UNC45B: variants seen among roughly 807,000 people sequenced by gnomAD.
UNC45B encodes protein unc-45 homolog B.
UNC45B carries 78 observed loss-of-function variants against 98.7 expected under a neutral mutation model. That is an observed-to-expected ratio of 0.79 (90% CI 0.66 to 0.95). The LOEUF is 0.95. UNC45B is among the 40% of genes least tolerant of loss of function. UNC45B has a pLI of 0.00. For missense variants in UNC45B, 1,225 were observed against 1,184.9 expected, an observed-to-expected ratio of 1.03 and a Z score of -0.50; for synonymous variants, 462 against 480.4, an observed-to-expected ratio of 0.96 and a Z score of 0.50.
intron 10 of UNC45B, among the ~76,000 whole-genome samples, chr17:35,169,259 C>G (rs1024613092): frequency 2.0e-5 from 3 of 152,052 alleles, no homozygotes; most frequent in Non-Finnish European, 4.4e-5. Context: ...AGGCTGGTCT[C>G]AAACTCCTGG....
intron 17 of UNC45B, among the ~76,000 whole-genome samples, chr17:35,178,864 T>C (rs1309729575): frequency 1.3e-5 from 2 of 152,228 alleles, no homozygotes; most frequent in Non-Finnish European, 2.9e-5. Context: ...TGTGGTGTTA[T>C]TTCTGAGGCC....
intron 18 of UNC45B, 84 bp from the exon 19 acceptor site, chr17:35,183,343 A>G (rs2092284641): frequency 5.1e-6 from 7 of 1,383,506 alleles, no homozygotes; most frequent in Non-Finnish European, 6.6e-6. Context: ...ATCTTGGGTC[A>G]GAGAACTTCA....
intron 18 of UNC45B, among the ~76,000 whole-genome samples, chr17:35,181,155 T>C (rs993449174): frequency 3.3e-5 from 5 of 152,210 alleles, no homozygotes; most frequent in African/African-American, 1.2e-4. Context: ...GAAATTGCAA[T>C]GCAATATAAC....
chr17:35,186,423 T>C lies in UNC45B; in HGVS notation c.2654T>C (p.Val885Ala). 6.2e-7 allele frequency: 1 copy of C among 1,614,080 alleles called. No individual in the cohort carries two copies. Among genetic ancestry groups the C allele is most frequent in the Non-Finnish European group, 8.5e-7 (1 of 1,180,020 alleles). Residue 885 changes from valine (V) to alanine (A), a missense_variant, in exon 20 of 20, where the codon GTG (valine) becomes GCG (alanine). Val to Ala is a moderately conservative substitution (Grantham distance 64). Transcript: ENST00000394570. ...AADAELAKKL[V>A]ESELLEILTV... Reference sequence around the variant, plus strand: ...GATGCTGAGCTGGCCAAGAAGCTGGTGGAGAGTGAGCTGCTGGAGATCCTG... The same window carrying C: ...GATGCTGAGCTGGCCAAGAAGCTGGCGGAGAGTGAGCTGCTGGAGATCCTG...
Position 35,177,610 on chromosome 17 carries a change from G to T in UNC45B, c.2255G>T (p.Arg752Leu). ...TNLSGRSDKL[R>L]QKIFKERALP... ...CTGTCTGGGCGGAGTGACAAACTCCGGTGAGTGTGGTGAGTGTGGCAGGGG... is the reference window on the plus strand; with the variant it reads ...CTGTCTGGGCGGAGTGACAAACTCCTGTGAGTGTGGTGAGTGTGGCAGGGG... Residue 752 changes from arginine (R) to leucine (L), a missense_variant and splice_region_variant, in exon 17 of 20, where the codon CGG becomes CTG. Coordinates refer to ENST00000394570, the MANE Select transcript of UNC45B (RefSeq NM_001267052.2). 1.9e-6 allele frequency: 3 copies of T among 1,543,968 alleles called. No homozygotes were observed. The highest frequency in any genetic ancestry group is 2.6e-6 in the Non-Finnish European group (3 of 1,139,966).
rs778359202 is a variant in UNC45B at position 35,174,259 on chromosome 17, A to G, written c.1848A>G (p.Ile616Met). Residue 616 changes from isoleucine (I) to methionine (M), a missense_variant, in exon 14 of 20, where the codon ATA becomes ATG. Coordinates refer to ENST00000394570, the MANE Select transcript of UNC45B (RefSeq NM_001267052.2). ...CTCCTCAGGACAAGAAGGACTTTAT[A>G]GACATGCGGGTGAAGCGGCTTCTGA... ...EEHPKDKKDF[I>M]DMRVKRLLKA... 6.2e-7 allele frequency: 1 copy of G among 1,614,056 alleles called. No homozygotes were observed. Among genetic ancestry groups the G allele is most frequent in the South Asian group, 1.1e-5 (1 of 91,088 alleles).
At chr17:35,174,454 A>G (rs2092212642) in intron 14 of UNC45B, 85 bp downstream of exon 14, 2 of 1,562,082 alleles carry the variant, frequency 1.3e-6, no homozygotes, top group Non-Finnish European at 1.7e-6. Flanking sequence ...GGAGATAGAA[A>G]TGGTGGGGGC....
At chr17:35,150,280 G>C in intron 4 of UNC45B, 57 bp downstream of exon 4, 1 of 1,546,786 alleles carries the variant, frequency 6.5e-7, no homozygotes, top group Admixed American at 1.8e-5. Context: ...TTCATTCCTA[G>C]TAGGAATGGG....
rs2092319770 is a variant in UNC45B, at chr17:35,189,255, A to G, written c.*2696A>G. 6.6e-6 allele frequency: 1 copy of G among 152,198 alleles called. No individual in the cohort carries two copies. The allele number at this position is 152,198 out of a possible 1,614,324, so 9.4% of individuals were successfully genotyped here. A position where few individuals can be genotyped will look rare whatever the true frequency, so the allele number is the denominator to read the frequency against. On this transcript the variant is annotated 3_prime_UTR_variant, in exon 20 of 20. Coordinates refer to ENST00000394570, the MANE Select transcript of UNC45B (RefSeq NM_001267052.2). Reference sequence around the variant, plus strand: ...TACAGTTTTAAAGTTTATATCTCCAAAAGGATATTTTGTAAAAATTTAACC... The same window carrying G: ...TACAGTTTTAAAGTTTATATCTCCAGAAGGATATTTTGTAAAAATTTAACC...
chr17:35,150,729 C>T (rs761562766), intron 4 of UNC45B, among the ~76,000 whole-genome samples: 3 of 151,780 alleles, frequency 2.0e-5, no homozygotes, highest in East Asian at 1.9e-4. Flanking sequence ...TCAGCCTGGG[C>T]GACAGAGCAA....
chr17:35,158,019 G>C (rs985469476), intron 7 of UNC45B, among the ~76,000 whole-genome samples: 2 of 152,134 alleles, frequency 1.3e-5, no homozygotes, highest in Non-Finnish European at 2.9e-5. Flanking sequence ...AGGACTACAG[G>C]CTCGTGCCAC....
At position 35,150,090 on chromosome 17, in the gene UNC45B, G is replaced by A. The variant is rs749498469; in HGVS notation, c.248G>A (p.Arg83Gln). 28 of 1,612,766 alleles carry A rather than the reference G, an allele frequency of 1.7e-5. No homozygotes were observed. Among genetic ancestry groups the A allele is most frequent in the Middle Eastern group, 1.6e-4 (1 of 6,074 alleles). Reference protein sequence around the residue: ...NSSDIKALYRRCQALEHLGKL... With the variant: ...NSSDIKALYRQCQALEHLGKL... ...TCGGACATCAAGGCTCTGTATCGGC[G>A]ATGCCAGGCACTGGAGCACCTGGGG... The change falls in exon 4 of 20, where the codon CGA becomes CAA. Residue 83 changes from arginine (R) to glutamine (Q), a missense_variant. Transcript: ENST00000394570.
chr17:35,174,959 AAG>A (rs200275497), intron 14 of UNC45B, among the ~76,000 whole-genome samples: 1 of 58,432 alleles, frequency 1.7e-5, no homozygotes, highest in Non-Finnish European at 3.7e-5. Flanking sequence ...AAGAAAAAGA[AAG>A]AGAAAGAAAG....
chr17:35,151,194 C>A, intron 4 of UNC45B: 1 of 304,388 alleles, frequency 3.3e-6, no homozygotes, highest in South Asian at 2.7e-5. Flanking sequence ...TGGTTAGTTT[C>A]TTTTCCTCCG....
rs2142563144 is a variant in UNC45B, at chr17:35,168,172, T to A, written c.1263T>A (p.Gly421=). 1.2e-6 allele frequency: 2 copies of A among 1,607,524 alleles called. No homozygotes were observed. Among genetic ancestry groups the A allele is most frequent in the East Asian group, 2.3e-5 (1 of 44,158 alleles). The change falls in exon 10 of 20, where the codon GGT becomes GGA. Residue 421 remains glycine, a synonymous_variant. Coordinates refer to ENST00000394570, the MANE Select transcript of UNC45B (RefSeq NM_001267052.2). The part of the protein sequence containing the change: ...DLGNQLLGLK[G]VMEMMVALCG... ...GCAACCAGCTGCTGGGACTGAAAGG[T>A]GTGATGGAGATGATGGTGGCACTAT...
At chr17:35,172,742 C>T (rs1436694662) in intron 13 of UNC45B, among the ~76,000 whole-genome samples, 1 of 152,174 alleles carries the variant, frequency 6.6e-6, no homozygotes, top group Non-Finnish European at 1.5e-5. Context: ...CCAGCAAACC[C>T]AATCCATTGT....
chr17:35,177,132 T>C lies in UNC45B; in HGVS notation c.2139+2T>C. The C allele has an allele frequency of 6.2e-7, 1 of 1,613,738 alleles. No individual in the cohort carries two copies. Among genetic ancestry groups the C allele is most frequent in the Non-Finnish European group, 8.5e-7 (1 of 1,179,796 alleles). On this transcript the variant is annotated splice_donor_variant, in intron 16 of 19. Coordinates refer to ENST00000394570, the MANE Select transcript of UNC45B (RefSeq NM_001267052.2). LOFTEE classifies it high-confidence loss of function. Reference sequence around the variant, plus strand: ...GACATTGCTTTTCCTGGGGAGCGGGTAGGTGCTTGGGTAGATGGGATAGGG... The same window carrying C: ...GACATTGCTTTTCCTGGGGAGCGGGCAGGTGCTTGGGTAGATGGGATAGGG...
Position 35,186,393 on chromosome 17 carries a change from C to G in UNC45B, c.2624C>G (p.Ala875Gly), listed in dbSNP as rs374818111. Residue 875 changes from alanine (A) to glycine (G), a missense_variant, in exon 20 of 20, where the codon GCA becomes GGA. Ala to Gly is a moderately conservative substitution (Grantham distance 60). Coordinates refer to ENST00000394570, the MANE Select transcript of UNC45B (RefSeq NM_001267052.2). ...RGLVIAYNLL[A>G]ADAELAKKLV... ...CTGGTCATTGCCTACAACCTACTGGCAGCCGATGCTGAGCTGGCCAAGAAG... is the reference window on the plus strand; with the variant it reads ...CTGGTCATTGCCTACAACCTACTGGGAGCCGATGCTGAGCTGGCCAAGAAG... 1.3e-5 allele frequency: 21 copies of G among 1,614,098 alleles called. No homozygotes were observed. The highest frequency in any genetic ancestry group is 1.7e-5 in the Non-Finnish European group (20 of 1,180,052).
Position 35,186,593 on chromosome 17 carries a change from G to A in UNC45B, c.*34G>A, listed in dbSNP as rs762943641. ...CCTCAGGGATGCTGGGAGTGGTCCT[G>A]TACTGTGCAGAGTCCTGGGTTGGTT... is the stretch of plus-strand genomic sequence containing the variant. On this transcript the variant is annotated 3_prime_UTR_variant, in exon 20 of 20. Transcript: ENST00000394570. 1 of 1,609,428 alleles carries A rather than the reference G, an allele frequency of 6.2e-7. No homozygotes were observed. Among genetic ancestry groups the A allele is most frequent in the South Asian group, 1.1e-5 (1 of 90,002 alleles).
Sources: allele counts gnomAD v4.1 joint callset (sites outside exome capture counted in the v4.1 genomes callset), GRCh38; gene constraint gnomAD v4.1.1; transcripts MANE v1.5; gene names NCBI Gene and HGNC (gene_info 2026-07-23, HGNC 2026-07-21).